HMCN1: variants seen among roughly 807,000 people sequenced by gnomAD.
The protein encoded by HMCN1 is hemicentin 1, also known as hemicentin-1.
A neutral mutation model predicts 625.9 loss-of-function variants in HMCN1; 321 were observed. That is an observed-to-expected ratio of 0.51 (90% CI 0.47 to 0.56). The LOEUF (loss-of-function observed/expected upper bound fraction) is 0.56, where lower values mean the gene tolerates loss of function less well. Ranked by LOEUF, HMCN1 falls within the 20% of genes least tolerant of loss-of-function variation. The pLI is 0.00. For synonymous variants in HMCN1, 2,425 were observed against 2,417.6 expected, an observed-to-expected ratio of 1.00 and a Z score of -0.09; for missense variants, 6,588 against 6,887.3, an observed-to-expected ratio of 0.96 and a Z score of 1.54.
chr1:185,971,048 T>C (rs1052454829), intron 15 of HMCN1, among the ~76,000 whole-genome samples: 5 of 152,128 alleles, frequency 3.3e-5, no homozygotes, highest in Admixed American at 1.3e-4. Flanking sequence ...AACTGAGGCT[T>C]ATAAAGGCTA....
chr1:185,759,483 G>C (rs766020978), intron 1 of HMCN1, among the ~76,000 whole-genome samples: 22 of 152,260 alleles, frequency 1.4e-4, no homozygotes, highest in Non-Finnish European at 2.8e-4. Flanking sequence ...CTTCAAAAGA[G>C]GTGATTTTGA....
intron 1 of HMCN1, among the ~76,000 whole-genome samples, chr1:185,792,294 T>C (rs1217433846): frequency 2.6e-5 from 4 of 152,320 alleles, no homozygotes; most frequent in South Asian, 4.1e-4. Flanking sequence ...CACAGACTTA[T>C]GGTAAGTGAA....
At chr1:186,186,397 C>T (rs113335334) in intron 105 of HMCN1, among the ~76,000 whole-genome samples, 3,331 of 152,216 alleles carry the variant, frequency 0.022, 110 homozygotes, top group African/African-American at 0.073. Context: ...CATGGTGACG[C>T]ATGCCTGTAG....
At chr1:186,131,011 A>G (rs1661906595) in intron 85 of HMCN1, among the ~76,000 whole-genome samples, 1 of 152,176 alleles carries the variant, frequency 6.6e-6, no homozygotes, top group Non-Finnish European at 1.5e-5. Flanking sequence ...TATAAATTAT[A>G]GAGTAGATTT....
At chr1:185,997,856 A>G (rs1393458904) in intron 25 of HMCN1, among the ~76,000 whole-genome samples, 1 of 145,774 alleles carries the variant, frequency 6.9e-6, no homozygotes, top group Non-Finnish European at 1.5e-5. Context: ...TGATAGCTGG[A>G]GCTATTCAAA....
chr1:185,954,667 A>C (rs1250020719), intron 11 of HMCN1, among the ~76,000 whole-genome samples: 1 of 152,150 alleles, frequency 6.6e-6, no homozygotes, highest in Non-Finnish European at 1.5e-5. Flanking sequence ...GGAGATAAAA[A>C]TCCTTGGGTT....
chr1:186,041,026 G>C lies in HMCN1; in HGVS notation c.6194G>C (p.Gly2065Ala). Reference protein sequence around the residue: ...FSNGLQVLSGGRILALTSAQI... With the variant: ...FSNGLQVLSGARILALTSAQI... ...TACCATTGATAGGTTCTCTCTGGTGGTCGAATCCTAGCATTGACCAGTGCA... is the reference window on the plus strand; with the variant it reads ...TACCATTGATAGGTTCTCTCTGGTGCTCGAATCCTAGCATTGACCAGTGCA... The change falls in exon 40 of 107, where the codon GGT becomes GCT. Residue 2065 changes from glycine (G) to alanine (A), a missense_variant. This residue lies in a region of HMCN1 where 4,628 missense variants were observed against 4,853.1 expected (regional missense o/e 0.95). Coordinates refer to ENST00000271588, the MANE Select transcript of HMCN1 (RefSeq NM_031935.3). 1 of 1,612,950 alleles carries C rather than the reference G, an allele frequency of 6.2e-7. No homozygotes were observed. The highest frequency in any genetic ancestry group is 1.1e-5 in the South Asian group (1 of 91,044).
Position 186,014,673 on chromosome 1 carries a change from C to G in HMCN1, c.4631-486C>G, listed in dbSNP as rs563529900. On this transcript the variant is annotated intron_variant, in intron 30 of 106. Transcript: ENST00000271588. ...AGTCTTGGCAGTCCCCACCTCCCCC[C>G]CAAAAAAAGAAAAAAATAGCAAGAA... is the stretch of plus-strand genomic sequence containing the variant. Among the ~76,000 whole-genome samples, 85 of 151,798 alleles carry G rather than the reference C, an allele frequency of 5.6e-4. 1 individual carries two copies. The South Asian group carries it at 0.015, about 27-fold the overall frequency.
intron 30 of HMCN1, among the ~76,000 whole-genome samples, chr1:186,013,529 T>C (rs1654134564): frequency 6.6e-6 from 1 of 152,152 alleles, no homozygotes; most frequent in African/African-American, 2.4e-5. Context: ...AATATTAAGG[T>C]ACACCACTCA....
chr1:185,969,695 AAAAC>A (rs1274153556), intron 14 of HMCN1, among the ~76,000 whole-genome samples: 2 of 152,184 alleles, frequency 1.3e-5, no homozygotes, highest in Non-Finnish European at 2.9e-5. Context: ...ACCCTTTACA[AAAAC>A]AAACAAAAAA....
At chr1:185,817,999 C>T (rs1261673370) in intron 1 of HMCN1, among the ~76,000 whole-genome samples, 1 of 152,164 alleles carries the variant, frequency 6.6e-6, no homozygotes, top group Non-Finnish European at 1.5e-5. Flanking sequence ...TGTCCATCTC[C>T]TGCATTTGGC....
chr1:185,833,542 T>C (rs375581133), intron 1 of HMCN1, among the ~76,000 whole-genome samples: 4 of 152,306 alleles, frequency 2.6e-5, no homozygotes, highest in African/African-American at 9.6e-5. Context: ...AGAGTCTTCA[T>C]TGATAACTTC....
intron 10 of HMCN1, among the ~76,000 whole-genome samples, chr1:185,932,332 T>C (rs1009986553): frequency 6.6e-6 from 1 of 152,194 alleles, no homozygotes; most frequent in African/African-American, 2.4e-5. Context: ...ACTGTGGTTT[T>C]GGTATATTTG....
chr1:186,053,755 C>T, intron 43 of HMCN1, 70 bp from the exon 44 acceptor site: 1 of 1,484,632 alleles, frequency 6.7e-7, no homozygotes, highest in Non-Finnish European at 9.4e-7. Flanking sequence ...AAACAAATGT[C>T]ATACTTGGCA....
At chr1:185,756,299 G>T (rs1242661418) in intron 1 of HMCN1, among the ~76,000 whole-genome samples, 1 of 151,976 alleles carries the variant, frequency 6.6e-6, no homozygotes, top group Non-Finnish European at 1.5e-5. Flanking sequence ...TCAGTTTCCT[G>T]TTCATACCTT....
Position 185,908,038 on chromosome 1 carries a change from G to GA in HMCN1, c.622-1290dup, listed in dbSNP as rs1001437499. 1.0e-3 allele frequency among the ~76,000 whole-genome samples: 157 copies of GA among 149,652 alleles called. 1 individual carries two copies. The highest frequency in any genetic ancestry group is 3.4e-3 in the Middle Eastern group (1 of 290). On this transcript the variant is annotated intron_variant, in intron 4 of 106. Coordinates refer to ENST00000271588, the MANE Select transcript of HMCN1 (RefSeq NM_031935.3). Reference sequence around the variant, plus strand: ...CTGGAGCAAGGACAGGAATTTTTATGAAAAAAAAATAAGAAATGCAAAAAC... The same window carrying GA: ...CTGGAGCAAGGACAGGAATTTTTATGAAAAAAAAAATAAGAAATGCAAAAAC...
chr1:186,055,920 G>T (rs1657291892), intron 45 of HMCN1, among the ~76,000 whole-genome samples: 1 of 151,896 alleles, frequency 6.6e-6, no homozygotes, highest in African/African-American at 2.4e-5. Context: ...GTAGAAAATT[G>T]TTGTCTTCAA....
chr1:185,797,965 CAAAAAAAAAAAAAAAAAA>C (rs35031310), intron 1 of HMCN1, among the ~76,000 whole-genome samples: 1 of 13,664 alleles, frequency 7.3e-5, no homozygotes, highest in Non-Finnish European at 1.2e-4. Context: ...GACTCCGTCT[CAAAAAAAAAAAAAAAAAA>C]AAAAAAAAAA....
intron 89 of HMCN1, among the ~76,000 whole-genome samples, chr1:186,139,942 G>A (rs1372694206): frequency 1.3e-5 from 2 of 151,954 alleles, no homozygotes; most frequent in African/African-American, 4.8e-5. Context: ...AATCTCGGGG[G>A]CAGAAGATAC....
Sources: allele counts gnomAD v4.1 joint callset (sites outside exome capture counted in the v4.1 genomes callset), GRCh38; gene constraint gnomAD v4.1.1; regional missense constraint gnomAD v4.1.1; transcripts MANE v1.5; gene names NCBI Gene and HGNC (gene_info 2026-07-23, HGNC 2026-07-21).